The following PCDH15 variants were observed in gnomAD, a reference collection of about 807,000 sequenced individuals.
PCDH15 encodes protocadherin-15.
A neutral mutation model predicts 178.5 loss-of-function variants in PCDH15; 129 were observed. The ratio of observed to expected loss-of-function variants is 0.72; its 90% confidence interval spans 0.63 to 0.84. The LOEUF is 0.84. Ranked by LOEUF, PCDH15 falls within the 40% of genes least tolerant of loss-of-function variation. PCDH15 has a pLI of 0.00. For missense variants in PCDH15, 2,230 were observed against 2,099.9 expected (o/e 1.06, Z -1.21); for synonymous variants, 800 against 732.0 (o/e 1.09, Z -1.50).
rs10648282 is a variant in PCDH15 at position 54,216,044 on chromosome 10, GAAAA to G, written c.986-2000_986-1997del. Reference sequence around the variant, plus strand: ...GGCTACAGAGTGAGACTCCGTCTCAGAAAAAAAAAAAAAAAAAAAAAAAAGAGAA... The same window carrying G: ...GGCTACAGAGTGAGACTCCGTCTCAGAAAAAAAAAAAAAAAAAAAAGAGAA... On this transcript the variant is annotated intron_variant, in intron 9 of 37. Coordinates refer to ENST00000644397, the MANE Select transcript of PCDH15 (RefSeq NM_001384140.1). Among the ~76,000 whole-genome samples, 476 of 70,346 alleles carry G rather than the reference GAAAA, an allele frequency of 6.8e-3. 1 individual carries two copies. The highest frequency in any genetic ancestry group is 0.026 in the African/African-American group (420 of 16,062). 46.1% of individuals were successfully genotyped at this position (70,346 alleles called of 152,430 possible).
intron 4 of PCDH15, among the ~76,000 whole-genome samples, chr10:54,372,058 AC>A (rs1190006452): frequency 6.6e-6 from 1 of 151,898 alleles, no homozygotes; most frequent in East Asian, 1.9e-4. Flanking sequence ...TGTGTAATAG[AC>A]CTTTTAAGGC....
At chr10:55,523,145 G>T (rs1320235342) in intron 2 of PCDH15, among the ~76,000 whole-genome samples, 3 of 150,206 alleles carry the variant, frequency 2.0e-5, no homozygotes, top group African/African-American at 7.3e-5. Flanking sequence ...TCATGAATCT[G>T]AACATTCATA....
In PCDH15 at chr10:54,639,964, T is replaced by C. The variant is rs554523149; in HGVS notation, c.91+24208A>G. 2.0e-5 allele frequency among the ~76,000 whole-genome samples: 3 copies of C among 152,256 alleles called. No individual in the cohort carries two copies. In the East Asian group the frequency reaches 5.8e-4, roughly 29 times the overall value. On this transcript the variant is annotated intron_variant, in intron 2 of 37. Coordinates refer to ENST00000644397, the MANE Select transcript of PCDH15 (RefSeq NM_001384140.1). ...AGCTGGTCATGGTGGTGCATGCCTG[T>C]AGTCCAGCTGATCTGGAGGCTGAGG...
chr10:53,878,895 A>C (rs2080481977), intron 26 of PCDH15, among the ~76,000 whole-genome samples: 2 of 152,118 alleles, frequency 1.3e-5, no homozygotes, highest in African/African-American at 2.4e-5. Context: ...TGGGCAAGTG[A>C]TTCTCTAAGG....
intron 2 of PCDH15, among the ~76,000 whole-genome samples, chr10:55,341,687 A>G (rs1844561647): frequency 3.5e-5 from 5 of 143,904 alleles, no homozygotes; most frequent in Admixed American, 2.1e-4. Flanking sequence ...CTCTAGCCTC[A>G]GCCTCCCGAG....
chr10:54,640,128 A>C (rs563357920), intron 2 of PCDH15, among the ~76,000 whole-genome samples: 23 of 152,134 alleles, frequency 1.5e-4, no homozygotes, highest in Non-Finnish European at 2.9e-4. Flanking sequence ...AGAAAACAAA[A>C]TGAGAAAATT....
chr10:54,783,069 G>C (rs1263143019), intron 1 of PCDH15, among the ~76,000 whole-genome samples: 2 of 151,772 alleles, frequency 1.3e-5, no homozygotes, highest in African/African-American at 4.8e-5. Flanking sequence ...ATACAAAACA[G>C]GTAAATGCAA....
At chr10:55,061,165 C>T (rs905824344) in intron 2 of PCDH15, among the ~76,000 whole-genome samples, 1 of 151,994 alleles carries the variant, frequency 6.6e-6, no homozygotes, top group East Asian at 1.9e-4. Context: ...TGAGAAGACA[C>T]ATCTAATAAA....
chr10:53,871,185 A>G (rs1333975837), intron 26 of PCDH15, among the ~76,000 whole-genome samples: 1 of 151,638 alleles, frequency 6.6e-6, no homozygotes, highest in African/African-American at 2.4e-5. Flanking sequence ...TTAAAAAAAA[A>G]AAAAAATTAG....
chr10:54,170,352 T>C (rs2046759891), intron 13 of PCDH15, among the ~76,000 whole-genome samples: 1 of 152,120 alleles, frequency 6.6e-6, no homozygotes, highest in African/African-American at 2.4e-5. Flanking sequence ...GTAGCCTTTC[T>C]GCCCAAACAA....
intron 1 of PCDH15, among the ~76,000 whole-genome samples, chr10:54,779,630 G>T (rs1354288232): frequency 6.6e-6 from 1 of 150,444 alleles, no homozygotes; most frequent in Non-Finnish European, 1.5e-5. Context: ...CAAGAGGCCT[G>T]CCTTCCCTAG....
At chr10:55,116,711 C>T (rs906597400) in intron 2 of PCDH15, among the ~76,000 whole-genome samples, 4 of 152,062 alleles carry the variant, frequency 2.6e-5, no homozygotes, top group Admixed American at 2.0e-4. Context: ...GACATGCTAC[C>T]CCAAAATATG....
chr10:55,566,242 G>A (rs916858002), intron 2 of PCDH15, among the ~76,000 whole-genome samples: 5 of 151,282 alleles, frequency 3.3e-5, no homozygotes, highest in African/African-American at 4.8e-5. Context: ...ATAGCATTTG[G>A]CAAAATTTTA....
intron 29 of PCDH15, among the ~76,000 whole-genome samples, chr10:53,832,435 A>G (rs753838226): frequency 4.6e-5 from 7 of 151,940 alleles, no homozygotes; most frequent in South Asian, 4.1e-4. Flanking sequence ...TGTTCTTAAT[A>G]CAACAACACC....
Position 54,337,504 on chromosome 10 carries a change from TC to T in PCDH15, c.595-7799del, listed in dbSNP as rs1272293997. On this transcript the variant is annotated intron_variant, in intron 6 of 37. Coordinates refer to ENST00000644397, the MANE Select transcript of PCDH15 (RefSeq NM_001384140.1). ...ACTGTGGGTCCATTAAACCCCTTTTTCTTTATAAATTACCCAGTCTCAGGTA... is the reference window on the plus strand; with the variant it reads ...ACTGTGGGTCCATTAAACCCCTTTTTTTTATAAATTACCCAGTCTCAGGTA... Among the ~76,000 whole-genome samples the T allele has an allele frequency of 5.3e-5, 8 of 152,232 alleles. No individual in the cohort carries two copies. In the East Asian group the frequency reaches 1.5e-3, roughly 29 times the overall value.
chr10:55,484,066 C>G (rs1255446484), intron 2 of PCDH15, among the ~76,000 whole-genome samples: 1 of 151,562 alleles, frequency 6.6e-6, no homozygotes, highest in African/African-American at 2.4e-5. Flanking sequence ...AACCAAATAC[C>G]ATATACAAGT....
chr10:54,170,399 C>T (rs998486869), intron 13 of PCDH15, among the ~76,000 whole-genome samples: 11 of 151,950 alleles, frequency 7.2e-5, no homozygotes, highest in Non-Finnish European at 2.9e-5. Context: ...CTCATGTCTG[C>T]GTGCAGTGGC....
At chr10:53,838,461 T>G (rs1037237423) in intron 29 of PCDH15, among the ~76,000 whole-genome samples, 1 of 152,142 alleles carries the variant, frequency 6.6e-6, no homozygotes, top group Non-Finnish European at 1.5e-5. Flanking sequence ...GTGGCTTTTT[T>G]TTCCCCAAAT....
chr10:54,580,460 A>G (rs1023488115), intron 2 of PCDH15, among the ~76,000 whole-genome samples: 1 of 152,044 alleles, frequency 6.6e-6, no homozygotes, highest in African/African-American at 2.4e-5. Flanking sequence ...AAAAAACCCT[A>G]TGAATCAACT....
Sources: gnomAD v4.1 joint callset for allele counts (sites outside exome capture counted in the v4.1 genomes callset) on GRCh38, gnomAD v4.1.1 for gene constraint, MANE v1.5 for transcripts, NCBI Gene and HGNC (gene_info 2026-07-23, HGNC 2026-07-21) for gene names.